The following CAMSAP2 variants were observed in gnomAD, a reference collection of about 807,000 sequenced individuals.
CAMSAP2 encodes calmodulin regulated spectrin associated protein family member 2.
Under a neutral mutation model 146.1 loss-of-function variants are expected in CAMSAP2, and 26 were observed. The observed-to-expected ratio is 0.18, with a 90% CI of 0.13 to 0.25. The LOEUF is 0.25. Among genes scored for constraint, CAMSAP2 ranks in the 10% least tolerant of loss-of-function variants. The pLI is 1.00. For missense variants in CAMSAP2, 1,381 were observed against 1,759.3 expected, an observed-to-expected ratio of 0.78 and a Z score of 3.85; for synonymous variants, 499 against 596.6, an observed-to-expected ratio of 0.84 and a Z score of 2.38.
chr1:200,770,223 G>T (rs1359363579), intron 2 of CAMSAP2, among the ~76,000 whole-genome samples: 1 of 152,182 alleles, frequency 6.6e-6, no homozygotes, highest in African/African-American at 2.4e-5. Context: ...TGTAATGTAT[G>T]ATATAGGTGG....
At chr1:200,828,672 C>T in intron 4 of CAMSAP2, 1 of 1,407,988 alleles carries the variant, frequency 7.1e-7, no homozygotes, top group Non-Finnish European at 9.8e-7. Flanking sequence ...TTGTTTATGT[C>T]TTGCTGTTAA....
At chr1:200,742,420 T>C (rs1664206716) in intron 1 of CAMSAP2, among the ~76,000 whole-genome samples, 1 of 152,224 alleles carries the variant, frequency 6.6e-6, no homozygotes, top group African/African-American at 2.4e-5. Context: ...AGTGACTTAG[T>C]AACAATATAT....
intron 2 of CAMSAP2, among the ~76,000 whole-genome samples, chr1:200,785,378 C>CT (rs1194410932): frequency 8.2e-5 from 12 of 145,488 alleles, no homozygotes; most frequent in East Asian, 4.0e-4. Context: ...TTGATGTTTT[C>CT]TTTTTTTTTC....
intron 8 of CAMSAP2, among the ~76,000 whole-genome samples, chr1:200,846,095 T>C (rs1452935296): frequency 6.6e-6 from 1 of 152,174 alleles, no homozygotes; most frequent in Admixed American, 6.5e-5. Flanking sequence ...TTCAGACACA[T>C]TAAAAATACA....
At chr1:200,745,383 T>TA (rs35180489) in intron 1 of CAMSAP2, among the ~76,000 whole-genome samples, 2 of 151,870 alleles carry the variant, frequency 1.3e-5, no homozygotes, top group African/African-American at 4.8e-5. Flanking sequence ...TATTGTGATC[T>TA]AAAAAGGTTT....
chr1:200,849,165 C>G lies in CAMSAP2; in HGVS notation c.2396C>G (p.Ser799Cys). ...GTGAAAAAGAAAGGGGATGGGATAT[C>G]TCCTCTACGAGAGGAAGCGGCGGGT... Reference protein sequence around the residue: ...TVVKKKGDGISPLREEAAGAE... With the variant: ...TVVKKKGDGICPLREEAAGAE... Residue 799 changes from serine to cysteine, a missense_variant, in exon 11 of 17, where the codon TCT becomes TGT. This residue lies in a region of CAMSAP2 where 560 missense variants were observed against 715.9 expected (regional missense o/e 0.78). Coordinates refer to ENST00000358823, the MANE Select transcript of CAMSAP2 (RefSeq NM_203459.4). The surrounding 1 kb of genome is among the most constrained non-coding windows in gnomAD (Gnocchi z 6.3). 1 of 1,614,030 alleles carries G rather than the reference C, an allele frequency of 6.2e-7. No individual in the cohort carries two copies.
intron 1 of CAMSAP2, 36 bp downstream of exon 1, chr1:200,740,002 C>T (rs78129956): frequency 0.016 from 25,825 of 1,607,664 alleles, 263 homozygotes; most frequent in Non-Finnish European, 0.019. Context: ...CCTCTTCCTC[C>T]TGATGTGGTC....
chr1:200,754,646 G>A (rs1292949215), intron 1 of CAMSAP2, among the ~76,000 whole-genome samples: 1 of 124,828 alleles, frequency 8.0e-6, no homozygotes, highest in Non-Finnish European at 1.6e-5. Context: ...GCAGTGGCCC[G>A]ACCTCGGCTC....
intron 4 of CAMSAP2, among the ~76,000 whole-genome samples, chr1:200,831,935 A>G (rs1432526194): frequency 6.6e-6 from 1 of 152,166 alleles, no homozygotes; most frequent in Non-Finnish European, 1.5e-5. Flanking sequence ...TGATGCTTTT[A>G]TACTTAAATA....
At chr1:200,815,017 G>C (rs149746088) in intron 3 of CAMSAP2, among the ~76,000 whole-genome samples, 239 of 151,650 alleles carry the variant, frequency 1.6e-3, no homozygotes, top group African/African-American at 5.8e-3. Context: ...AATCTGATGA[G>C]AAAGAAATTA....
At chr1:200,752,025 A>C (rs1315257966) in intron 1 of CAMSAP2, among the ~76,000 whole-genome samples, 1 of 152,240 alleles carries the variant, frequency 6.6e-6, no homozygotes, top group East Asian at 1.9e-4. Context: ...CCTGTAAAGC[A>C]TACAAGGGAA....
chr1:200,742,797 T>C lies in CAMSAP2; in HGVS notation c.139+2831T>C, dbSNP rs1252176569. ...TTATAACCATATGTTGTAAAAGTCA[T>C]TTAAAATGATAGCTAGAAATGTGAG... On this transcript the variant is annotated intron_variant, in intron 1 of 16. Coordinates refer to ENST00000358823, the MANE Select transcript of CAMSAP2 (RefSeq NM_203459.4). Among the ~76,000 whole-genome samples the C allele has an allele frequency of 6.6e-5, 10 of 152,278 alleles. No homozygotes were observed. The East Asian group carries it at 1.9e-3, about 29-fold the overall frequency.
intron 1 of CAMSAP2, among the ~76,000 whole-genome samples, chr1:200,740,411 G>GC (rs1466193645): frequency 6.6e-6 from 1 of 152,090 alleles, no homozygotes; most frequent in African/African-American, 2.4e-5. Flanking sequence ...TGTAATGATG[G>GC]CTGCTATTCA....
chr1:200,827,808 A>C (rs914659250), intron 4 of CAMSAP2, among the ~76,000 whole-genome samples: 1 of 152,210 alleles, frequency 6.6e-6, no homozygotes, highest in African/African-American at 2.4e-5. Flanking sequence ...ATTCAGAGCC[A>C]GAAGCTGTTT....
chr1:200,832,283 T>C lies in CAMSAP2; in HGVS notation c.729T>C (p.Asp243=), dbSNP rs148903201. 399 of 1,613,670 alleles carry C rather than the reference T, an allele frequency of 2.5e-4. No homozygotes were observed. The highest frequency in any genetic ancestry group is 3.3e-4 in the Non-Finnish European group (388 of 1,179,784). The change falls in exon 5 of 17, where the codon GAT becomes GAC. Residue 243 remains aspartate, a synonymous_variant. Coordinates refer to ENST00000358823, the MANE Select transcript of CAMSAP2 (RefSeq NM_203459.4). The surrounding 1 kb of genome is among the most constrained non-coding windows in gnomAD (Gnocchi z 4.2). ...LVENLLKDGT[D]GCALAALIHF... Reference sequence around the variant, plus strand: ...AAAATTTGTTGAAGGATGGGACAGATGGCTGTGCATTAGCTGCCCTTATTC... The same window carrying C: ...AAAATTTGTTGAAGGATGGGACAGACGGCTGTGCATTAGCTGCCCTTATTC...
rs1257738306 is a variant in CAMSAP2, at chr1:200,800,301, G to T, written c.400-7075G>T. On this transcript the variant is annotated intron_variant, in intron 2 of 16. Coordinates refer to ENST00000358823, the MANE Select transcript of CAMSAP2 (RefSeq NM_203459.4). ...CCACTATTATTGTGTGGGAGTCTAAGTCTCTTTGTAGGCCTCTAAGAACTT... is the reference window on the plus strand; with the variant it reads ...CCACTATTATTGTGTGGGAGTCTAATTCTCTTTGTAGGCCTCTAAGAACTT... Among the ~76,000 whole-genome samples the T allele has an allele frequency of 2.0e-5, 3 of 152,128 alleles. No individual in the cohort carries two copies. In the East Asian group the frequency reaches 5.8e-4, roughly 29 times the overall value.
chr1:200,817,479 T>C (rs1666635867), intron 4 of CAMSAP2, among the ~76,000 whole-genome samples: 1 of 152,150 alleles, frequency 6.6e-6, no homozygotes, highest in Non-Finnish European at 1.5e-5. Context: ...TTAAAATGTA[T>C]TGTAATTGGA....
intron 2 of CAMSAP2, among the ~76,000 whole-genome samples, chr1:200,766,323 A>AT (rs1408980744): frequency 2.7e-5 from 4 of 150,706 alleles, no homozygotes; most frequent in African/African-American, 9.8e-5. Flanking sequence ...TTTTTTTATT[A>AT]TTTTTTTTGT....
intron 4 of CAMSAP2, among the ~76,000 whole-genome samples, chr1:200,830,133 G>T (rs1235183330): frequency 6.6e-6 from 1 of 152,228 alleles, no homozygotes; most frequent in Non-Finnish European, 1.5e-5. Context: ...ACTCTTTCAT[G>T]AACTGCGGAT....
Sources: gnomAD v4.1 joint callset for allele counts (sites outside exome capture counted in the v4.1 genomes callset) on GRCh38, gnomAD v4.1.1 for gene constraint, gnomAD v4.1.1 regional missense constraint, Gnocchi (gnomAD v3.1) non-coding constraint, MANE v1.5 for transcripts, NCBI Gene and HGNC (gene_info 2026-07-23, HGNC 2026-07-21) for gene names.